The following TRIO variants were observed in gnomAD, a reference collection of about 807,000 sequenced individuals.
TRIO encodes the protein triple functional domain protein.
In TRIO, 58 loss-of-function variants were observed where a neutral mutation model predicts 351.9. That is an observed-to-expected ratio of 0.16 (90% CI 0.13 to 0.21). The LOEUF is 0.21. Ranked by LOEUF, TRIO falls within the 10% of genes least tolerant of loss-of-function variation. The pLI is 1.00. For synonymous variants in TRIO, 1,758 were observed against 1,595.7 expected (o/e 1.10, Z -2.42); for missense variants, 3,201 against 4,027.8 (o/e 0.79, Z 5.56).
At chr5:14,149,914 C>T (rs1401567404) in intron 1 of TRIO, among the ~76,000 whole-genome samples, 1 of 152,216 alleles carries the variant, frequency 6.6e-6, no homozygotes, top group East Asian at 1.9e-4. Flanking sequence ...GTGAGTTGAT[C>T]AGGCTTGTTT....
At position 14,148,911 on chromosome 5, in the gene TRIO, C is replaced by T. The variant is rs1005868010; in HGVS notation, c.157+5029C>T. Among the ~76,000 whole-genome samples, 8 of 152,292 alleles carry T rather than the reference C, an allele frequency of 5.3e-5. No individual in the cohort carries two copies. In the South Asian group the frequency reaches 8.3e-4, roughly 16 times the overall value. On this transcript the variant is annotated intron_variant, in intron 1 of 56. Transcript: ENST00000344204. Reference sequence around the variant, plus strand: ...AGCTGGAGCAAGGGGTAAGCGGGTTCGATGTGCATCCACAGGGTTCTCTTC... The same window carrying T: ...AGCTGGAGCAAGGGGTAAGCGGGTTTGATGTGCATCCACAGGGTTCTCTTC...
chr5:14,396,972 T>C (rs1170936090), intron 28 of TRIO, 71 bp from the exon 29 acceptor site: 3 of 1,338,440 alleles, frequency 2.2e-6, no homozygotes, highest in Non-Finnish European at 3.1e-6. Context: ...TTTCATAAAC[T>C]GTTTCTGCCA....
At chr5:14,307,591 A>G (rs1474329625) in intron 8 of TRIO, among the ~76,000 whole-genome samples, 1 of 152,204 alleles carries the variant, frequency 6.6e-6, no homozygotes, top group Non-Finnish European at 1.5e-5. Flanking sequence ...CTCTCCGGCT[A>G]TGAGTAGTGT....
At chr5:14,222,556 G>C (rs1392649972) in intron 1 of TRIO, among the ~76,000 whole-genome samples, 1 of 152,188 alleles carries the variant, frequency 6.6e-6, no homozygotes, top group East Asian at 1.9e-4. Flanking sequence ...CTTTTAACCT[G>C]ACCTAAGCAT....
At chr5:14,306,709 C>T (rs1214331491) in intron 8 of TRIO, among the ~76,000 whole-genome samples, 2 of 152,190 alleles carry the variant, frequency 1.3e-5, no homozygotes, top group African/African-American at 4.8e-5. Context: ...TTGTGCATAA[C>T]TTAAATCAGA....
At chr5:14,179,075 A>G (rs1028613349) in intron 1 of TRIO, among the ~76,000 whole-genome samples, 1 of 152,132 alleles carries the variant, frequency 6.6e-6, no homozygotes, top group African/African-American at 2.4e-5. Flanking sequence ...GTGGTGAGAA[A>G]GCCTTTGTCA....
In TRIO at chr5:14,487,659, C is replaced by T. The variant is rs1482901881; in HGVS notation, c.7031C>T (p.Pro2344Leu). 7.4e-7 allele frequency: 1 copy of T among 1,351,294 alleles called. No homozygotes were observed. Among genetic ancestry groups the T allele is most frequent in the Non-Finnish European group, 9.6e-7 (1 of 1,040,666 alleles). 83.7% of individuals were successfully genotyped at this position (1,351,294 alleles called of 1,614,324 possible). The change falls in exon 48 of 57, where the codon CCT becomes CTT. Residue 2344 changes from proline to leucine, a missense_variant. This residue lies in a region of TRIO where 1,089 missense variants were observed against 954.9 expected (regional missense o/e 1.14). Coordinates refer to ENST00000344204, the MANE Select transcript of TRIO (RefSeq NM_007118.4). ...AGCCGGCCCTCCCGGATCCCCCAGC[C>T]TGTCCGACACCACCCCCCCGTGCTG... ...SRSRPSRIPQ[P>L]VRHHPPVLVS...
At chr5:14,435,029 A>G (rs1751469911) in intron 34 of TRIO, among the ~76,000 whole-genome samples, 1 of 152,196 alleles carries the variant, frequency 6.6e-6, no homozygotes, top group African/African-American at 2.4e-5. Context: ...CGTCAGGGGT[A>G]CAGGGTATCC....
chr5:14,356,289 A>G (rs551288938), intron 11 of TRIO, among the ~76,000 whole-genome samples: 2 of 152,354 alleles, frequency 1.3e-5, no homozygotes, highest in African/African-American at 4.8e-5. Flanking sequence ...CAGTTTCCCT[A>G]TGCATATTTC....
intron 33 of TRIO, among the ~76,000 whole-genome samples, chr5:14,414,274 A>G (rs1198041170): frequency 6.6e-6 from 1 of 152,254 alleles, no homozygotes; most frequent in Non-Finnish European, 1.5e-5. Flanking sequence ...GGGATATGCT[A>G]AAAGCAAGAG....
rs377039781 is a variant in TRIO, at chr5:14,261,119, CAT to C, written c.158-9705_158-9704del. Reference sequence around the variant, plus strand: ...AGGTAAGGCTGGGGTAGAGGCTACTCATGTGGAGATAAGCTAGAATAAGCCAA... The same window carrying C: ...AGGTAAGGCTGGGGTAGAGGCTACTCGTGGAGATAAGCTAGAATAAGCCAA... On this transcript the variant is annotated intron_variant, in intron 1 of 56. Transcript: ENST00000344204. Among the ~76,000 whole-genome samples, 5 of 152,302 alleles carry C rather than the reference CAT, an allele frequency of 3.3e-5. No individual in the cohort carries two copies. The East Asian group carries it at 9.6e-4, about 29-fold the overall frequency.
At chr5:14,252,217 G>A (rs1024483587) in intron 1 of TRIO, among the ~76,000 whole-genome samples, 14 of 152,250 alleles carry the variant, frequency 9.2e-5, no homozygotes, top group Admixed American at 6.5e-5. Flanking sequence ...TTTGCTTTAC[G>A]TGCCATGTCT....
At chr5:14,237,923 A>G (rs754776471) in intron 1 of TRIO, among the ~76,000 whole-genome samples, 4 of 152,206 alleles carry the variant, frequency 2.6e-5, no homozygotes, top group Non-Finnish European at 5.9e-5. Context: ...TCTTTCCTCT[A>G]ACATTTAGCA....
chr5:14,419,849 C>T lies in TRIO; in HGVS notation c.5031C>T (p.Ile1677=), dbSNP rs374579202. 150 of 1,614,116 alleles carry T rather than the reference C, an allele frequency of 9.3e-5. No individual in the cohort carries two copies. Among genetic ancestry groups the T allele is most frequent in the Non-Finnish European group, 1.3e-4 (149 of 1,180,040 alleles). The change falls in exon 34 of 57, where the codon ATC becomes ATT. Residue 1677 remains isoleucine, a synonymous_variant. Transcript: ENST00000344204. ...FTACNSNELT[I]RRGQTVEVLE... ...CTTGCAACAGCAACGAGCTGACCAT[C>T]CGACGGGGCCAGACCGTGGAAGTTC...
At chr5:14,213,751 A>G (rs751706994) in intron 1 of TRIO, among the ~76,000 whole-genome samples, 1 of 152,192 alleles carries the variant, frequency 6.6e-6, no homozygotes, top group African/African-American at 2.4e-5. Context: ...TCTGTATTCT[A>G]ACTCCAGTTT....
intron 55 of TRIO, among the ~76,000 whole-genome samples, chr5:14,506,052 A>T (rs1406343369): frequency 6.6e-6 from 1 of 152,192 alleles, no homozygotes; most frequent in Admixed American, 6.5e-5. Flanking sequence ...AGCCGAGCCG[A>T]CATCCAAGCC....
chr5:14,260,579 A>G (rs1795286462), intron 1 of TRIO, among the ~76,000 whole-genome samples: 1 of 152,344 alleles, frequency 6.6e-6, no homozygotes, highest in East Asian at 1.9e-4. Flanking sequence ...TTTTGTACTG[A>G]GTTTCATGTT....
At chr5:14,307,101 A>G (rs1467685986) in intron 8 of TRIO, among the ~76,000 whole-genome samples, 4 of 152,188 alleles carry the variant, frequency 2.6e-5, no homozygotes, top group Non-Finnish European at 5.9e-5. Flanking sequence ...TACATTTTGA[A>G]ATAGTTTCAG....
At chr5:14,344,766 C>A (rs1338266403) in intron 11 of TRIO, among the ~76,000 whole-genome samples, 1 of 152,182 alleles carries the variant, frequency 6.6e-6, no homozygotes, top group African/African-American at 2.4e-5. Flanking sequence ...CGAGTAATAA[C>A]CTCACTCTGA....
Sources: allele counts gnomAD v4.1 joint callset (sites outside exome capture counted in the v4.1 genomes callset), GRCh38; gene constraint gnomAD v4.1.1; regional missense constraint gnomAD v4.1.1; transcripts MANE v1.5; gene names NCBI Gene and HGNC (gene_info 2026-07-23, HGNC 2026-07-21).